MYO3B: variants seen among roughly 807,000 people sequenced by gnomAD.
MYO3B encodes myosin-IIIb.
MYO3B carries 156 observed loss-of-function variants against 174.6 expected under a neutral mutation model. That is an observed-to-expected ratio of 0.89 (90% CI 0.78 to 1.02). The LOEUF (loss-of-function observed/expected upper bound fraction) is 1.02. Ranked by LOEUF, MYO3B falls within the 50% of genes least tolerant of loss-of-function variation. MYO3B has a pLI of 0.00. For synonymous variants in MYO3B, 563 were observed against 569.1 expected (o/e 0.99, Z 0.15); for missense variants, 1,632 against 1,639.4 (o/e 1.00, Z 0.08).
intron 19 of MYO3B, among the ~76,000 whole-genome samples, chr2:170,403,376 T>A (rs1232488022): frequency 6.6e-6 from 1 of 152,118 alleles, no homozygotes; most frequent in Non-Finnish European, 1.5e-5. Flanking sequence ...GCCCTCCCTA[T>A]CCCCTATCTG....
chr2:170,455,767 T>C (rs190133595), intron 23 of MYO3B, among the ~76,000 whole-genome samples: 2 of 152,296 alleles, frequency 1.3e-5, no homozygotes, highest in Admixed American at 1.3e-4. Flanking sequence ...TCGTGACTAC[T>C]CTGAAGGCTA....
intron 27 of MYO3B, among the ~76,000 whole-genome samples, chr2:170,500,488 G>C (rs1687191145): frequency 6.6e-6 from 1 of 152,220 alleles, no homozygotes; most frequent in Non-Finnish European, 1.5e-5. Flanking sequence ...TTAATAGATA[G>C]GGAGAGTTCA....
intron 7 of MYO3B, among the ~76,000 whole-genome samples, chr2:170,268,019 C>T (rs750642765): frequency 6.6e-6 from 1 of 151,984 alleles, no homozygotes; most frequent in African/African-American, 2.4e-5. Context: ...ACCAGCCTGG[C>T]GAACATGGTG....
In MYO3B at chr2:170,463,374, A is replaced by G. The variant is rs1437262172; in HGVS notation, c.2737A>G (p.Thr913Ala). 1 of 1,613,560 alleles carries G rather than the reference A, an allele frequency of 6.2e-7. No homozygotes were observed. Among genetic ancestry groups the G allele is most frequent in the Non-Finnish European group, 8.5e-7 (1 of 1,179,904 alleles). The change falls in exon 24 of 35, where the codon ACT becomes GCT. Residue 913 changes from threonine to alanine, a missense_variant. Thr to Ala is a moderately conservative substitution (Grantham distance 58). Transcript: ENST00000408978. ...HFSAGKAKVD[T>A]LEVIRHPEET... The stretch of plus-strand genomic sequence containing the variant: ...CCTCCACCTATGCTTCCAGGTGGAC[A>G]CTCTGGAGGTGATACGGCATCCGGA...
intron 25 of MYO3B, among the ~76,000 whole-genome samples, chr2:170,495,920 A>G (rs1686832206): frequency 6.6e-6 from 1 of 152,240 alleles, no homozygotes; most frequent in South Asian, 2.1e-4. Flanking sequence ...AGTCAGAGAA[A>G]TCATAACCAA....
chr2:170,475,954 CAACCTTGACCATAA>C (rs1163461556), intron 25 of MYO3B, among the ~76,000 whole-genome samples: 1 of 152,168 alleles, frequency 6.6e-6, no homozygotes, highest in African/African-American at 2.4e-5. Context: ...TAGGTAAGAA[CAACCTTGACCATAA>C]ATCCTGCCCT....
intron 32 of MYO3B, among the ~76,000 whole-genome samples, chr2:170,618,643 C>T (rs1695620937): frequency 6.6e-6 from 1 of 152,076 alleles, no homozygotes. Context: ...AAGCTGGGTC[C>T]AGGGGGGTCA....
At chr2:170,329,987 TG>T (rs945699030) in intron 7 of MYO3B, among the ~76,000 whole-genome samples, 8 of 150,856 alleles carry the variant, frequency 5.3e-5, no homozygotes, top group Non-Finnish European at 8.8e-5. Context: ...GGAAATAGAA[TG>T]TTTTTTTAAC....
intron 32 of MYO3B, among the ~76,000 whole-genome samples, chr2:170,635,613 T>G (rs1697398573): frequency 6.6e-6 from 1 of 152,142 alleles, no homozygotes. Flanking sequence ...TAAAGTATAA[T>G]AAAATATATG....
intron 32 of MYO3B, among the ~76,000 whole-genome samples, chr2:170,603,049 C>G (rs952929344): frequency 6.6e-6 from 1 of 152,040 alleles, no homozygotes; most frequent in African/African-American, 2.4e-5. Flanking sequence ...GCCTGGGCAA[C>G]AAGAGCGAAA....
chr2:170,203,517 G>GGGAA, intron 3 of MYO3B, among the ~76,000 whole-genome samples: 1 of 121,856 alleles, frequency 8.2e-6, no homozygotes, highest in African/African-American at 3.0e-5. Context: ...GAGGGAGGGA[G>GGGAA]GGAGAAAGAG....
At chr2:170,234,179 A>AC (rs2093044251) in intron 6 of MYO3B, among the ~76,000 whole-genome samples, 1 of 70,976 alleles carries the variant, frequency 1.4e-5, no homozygotes, top group Non-Finnish European at 2.6e-5. Flanking sequence ...TCAAAAAAAA[A>AC]AAAAAAAACA....
chr2:170,562,397 C>G (rs2192754), intron 32 of MYO3B, among the ~76,000 whole-genome samples: 1 of 152,048 alleles, frequency 6.6e-6, no homozygotes, highest in Non-Finnish European at 1.5e-5. Context: ...TACATTGTCT[C>G]TAGTTTTTCT....
At chr2:170,468,162 T>G (rs1244022052) in intron 25 of MYO3B, among the ~76,000 whole-genome samples, 3 of 152,216 alleles carry the variant, frequency 2.0e-5, no homozygotes, top group Admixed American at 6.5e-5. Context: ...ATTTTGATCC[T>G]TTTGAACCAC....
At chr2:170,234,690 C>A (rs2093052264) in intron 6 of MYO3B, among the ~76,000 whole-genome samples, 1 of 152,202 alleles carries the variant, frequency 6.6e-6, no homozygotes, top group African/African-American at 2.4e-5. Context: ...CACCCCAAAC[C>A]TGCCCCTCCT....
intron 7 of MYO3B, among the ~76,000 whole-genome samples, chr2:170,313,208 T>C (rs900406640): frequency 1.3e-5 from 2 of 152,186 alleles, no homozygotes; most frequent in African/African-American, 4.8e-5. Context: ...ATCCTTGAGA[T>C]AGTTATTTCA....
chr2:170,344,330 G>T (rs552354451), intron 8 of MYO3B: 23 of 152,350 alleles, frequency 1.5e-4, no homozygotes, highest in Non-Finnish European at 2.8e-4. Flanking sequence ...GCCTGGTGTG[G>T]TGGTGGGTAC....
At chr2:170,399,242 C>CAAAAAAAAAAAAAAAAAAAAAA (rs71399532) in intron 16 of MYO3B, among the ~76,000 whole-genome samples, 1 of 15,608 alleles carries the variant, frequency 6.4e-5, no homozygotes. Context: ...AATTCCGTCT[C>CAAAAAAAAAAAAAAAAAAAAAA]AAAAAAAAAA....
rs190235330 is a variant in MYO3B, at chr2:170,312,908, C to T, written c.750-22477C>T. On this transcript the variant is annotated intron_variant, in intron 7 of 34. Coordinates refer to ENST00000408978, the MANE Select transcript of MYO3B (RefSeq NM_138995.5). Reference sequence around the variant, plus strand: ...TGGAGTGCTGATTTTCACCTACATACCTGCAAATGTTTCTAAGTTACACAT... The same window carrying T: ...TGGAGTGCTGATTTTCACCTACATATCTGCAAATGTTTCTAAGTTACACAT... Among the ~76,000 whole-genome samples, 588 of 152,200 alleles carry T rather than the reference C, an allele frequency of 3.9e-3. 4 individuals are homozygous for T. The highest frequency in any genetic ancestry group is 0.014 in the Middle Eastern group (4 of 294).
Sources: allele counts gnomAD v4.1 joint callset (sites outside exome capture counted in the v4.1 genomes callset), GRCh38; gene constraint gnomAD v4.1.1; transcripts MANE v1.5; gene names NCBI Gene and HGNC (gene_info 2026-07-23, HGNC 2026-07-21).